Variants in DPYD observed in about 807,000 individuals in gnomAD.
DPYD encodes the protein dihydropyrimidine dehydrogenase, also known as dihydropyrimidine dehydrogenase [NADP(+)].
In DPYD, 109 loss-of-function variants were observed where a neutral mutation model predicts 116.2. That is an observed-to-expected ratio of 0.94 (90% CI 0.80 to 1.10). The LOEUF is 1.10. Ranked by LOEUF, DPYD falls within the 50% of genes least tolerant of loss-of-function variation. The pLI is 0.00. For missense variants in DPYD, 1,302 were observed against 1,254.5 expected, an observed-to-expected ratio of 1.04 and a Z score of -0.57; for synonymous variants, 440 against 432.0, an observed-to-expected ratio of 1.02 and a Z score of -0.23.
chr1:97,714,460 C>T (rs1216446701), intron 5 of DPYD, among the ~76,000 whole-genome samples: 1 of 151,864 alleles, frequency 6.6e-6, no homozygotes, highest in Non-Finnish European at 1.5e-5. Flanking sequence ...CCGCCTGCCT[C>T]GGCCTCCCAA....
chr1:97,268,175 G>A (rs935030591), intron 18 of DPYD, among the ~76,000 whole-genome samples: 2 of 152,136 alleles, frequency 1.3e-5, no homozygotes, highest in Non-Finnish European at 2.9e-5. Context: ...GGACACACTG[G>A]GGCAGGGGTT....
chr1:97,751,518 C>T (rs1664922473), intron 3 of DPYD, among the ~76,000 whole-genome samples: 1 of 118,512 alleles, frequency 8.4e-6, no homozygotes, highest in South Asian at 2.9e-4. Context: ...TGGCTCACGC[C>T]TGTAACCTCA....
chr1:97,193,270 A>AC (rs1379074467), intron 19 of DPYD, 22 bp from the exon 20 acceptor site: 3 of 1,609,794 alleles, frequency 1.9e-6, no homozygotes, highest in African/African-American at 2.7e-5. Context: ...AGAGCAGTCA[A>AC]CCAAGTGTCA....
chr1:97,480,724 T>C (rs1418450048), intron 13 of DPYD, among the ~76,000 whole-genome samples: 1 of 152,236 alleles, frequency 6.6e-6, no homozygotes, highest in Non-Finnish European at 1.5e-5. Context: ...CTCACGCCTG[T>C]AATCCCAGCA....
chr1:97,702,727 A>G (rs1200467018), intron 5 of DPYD, among the ~76,000 whole-genome samples: 1 of 151,992 alleles, frequency 6.6e-6, no homozygotes, highest in Non-Finnish European at 1.5e-5. Flanking sequence ...ATATCTGAAC[A>G]AATTCTAGCT....
At chr1:97,511,789 T>G (rs1232295128) in intron 13 of DPYD, among the ~76,000 whole-genome samples, 1 of 151,912 alleles carries the variant, frequency 6.6e-6, no homozygotes, top group Non-Finnish European at 1.5e-5. Context: ...AGTTAGAAGT[T>G]AGGCCAGCCG....
intron 8 of DPYD, among the ~76,000 whole-genome samples, chr1:97,607,549 G>A (rs961525589): frequency 2.0e-5 from 3 of 151,850 alleles, no homozygotes; most frequent in Admixed American, 6.6e-5. Flanking sequence ...AGATGCTAAT[G>A]AGCATTAATC....
At chr1:97,208,702 G>A (rs763602166) in intron 19 of DPYD, among the ~76,000 whole-genome samples, 5 of 151,974 alleles carry the variant, frequency 3.3e-5, no homozygotes, top group Admixed American at 2.0e-4. Context: ...CTAATCTTCC[G>A]GTTTCTTTTC....
intron 18 of DPYD, among the ~76,000 whole-genome samples, chr1:97,272,462 TA>T (rs1424410815): frequency 4.6e-5 from 7 of 152,190 alleles, no homozygotes; most frequent in Admixed American, 3.9e-4. Flanking sequence ...GAGATCATTA[TA>T]ACTAGTTTTG....
At chr1:97,192,979 T>C in intron 20 of DPYD, 90 bp downstream of exon 20, 1 of 1,449,448 alleles carries the variant, frequency 6.9e-7, no homozygotes, top group Admixed American at 1.7e-5. Context: ...GTGTTTCCTT[T>C]GTTAGTGAGA....
At chr1:97,394,679 T>G (rs955495877) in intron 14 of DPYD, among the ~76,000 whole-genome samples, 4 of 151,988 alleles carry the variant, frequency 2.6e-5, no homozygotes, top group Admixed American at 6.6e-5. Flanking sequence ...ATAGACTTGT[T>G]AGAAGCAGGA....
chr1:97,893,603 T>C (rs1672893050), intron 1 of DPYD, among the ~76,000 whole-genome samples: 1 of 151,144 alleles, frequency 6.6e-6, no homozygotes, highest in Admixed American at 6.6e-5. Flanking sequence ...TTGTAAAACA[T>C]CAAAAAATGT....
chr1:97,220,030 C>T (rs967414595), intron 19 of DPYD, among the ~76,000 whole-genome samples: 3 of 152,062 alleles, frequency 2.0e-5, no homozygotes, highest in Admixed American at 6.6e-5. Context: ...ACTCTTCTCT[C>T]GGGGTCTCTG....
At chr1:97,601,087 T>G (rs1349095306) in intron 8 of DPYD, among the ~76,000 whole-genome samples, 1 of 152,124 alleles carries the variant, frequency 6.6e-6, no homozygotes, top group African/African-American at 2.4e-5. Flanking sequence ...AGCATTGACC[T>G]AGGGTCTAAA....
intron 8 of DPYD, among the ~76,000 whole-genome samples, chr1:97,631,328 T>G (rs534041622): frequency 4.1e-4 from 62 of 152,106 alleles, no homozygotes; most frequent in Admixed American, 1.2e-3. Flanking sequence ...AAGCATAGTT[T>G]ATTTTCTCTT....
chr1:97,339,523 T>C (rs955938543), intron 16 of DPYD, among the ~76,000 whole-genome samples: 3 of 152,162 alleles, frequency 2.0e-5, no homozygotes, highest in African/African-American at 4.8e-5. Context: ...AGCCAATCAA[T>C]ATAATAATCA....
intron 5 of DPYD, among the ~76,000 whole-genome samples, chr1:97,710,684 T>C (rs1166104346): frequency 1.3e-5 from 2 of 151,730 alleles, no homozygotes; most frequent in African/African-American, 4.8e-5. Context: ...TTGGTAGGTA[T>C]TGTTTAGGTA....
In DPYD at chr1:97,305,247, G is replaced by T. The variant is rs1667086790; in HGVS notation, c.2299+12C>A. ...CCAAGAAAGCACAATGCAAGAAGTG[G>T]GCAACACCTACCAGACACTCCTCCA... On this transcript the variant is annotated intron_variant, in intron 18 of 22. Transcript: ENST00000370192. 1 of 1,611,802 alleles carries T rather than the reference G, an allele frequency of 6.2e-7. No homozygotes were observed. The highest frequency in any genetic ancestry group is 1.3e-5 in the African/African-American group (1 of 74,810).
intron 7 of DPYD, among the ~76,000 whole-genome samples, chr1:97,680,235 C>T (rs544205536): frequency 2.6e-5 from 4 of 152,090 alleles, no homozygotes; most frequent in Non-Finnish European, 4.4e-5. Flanking sequence ...GGGAAGGCCA[C>T]ATGAAAATAT....
Sources: allele counts gnomAD v4.1 joint callset (sites outside exome capture counted in the v4.1 genomes callset), GRCh38; gene constraint gnomAD v4.1.1; transcripts MANE v1.5; gene names NCBI Gene and HGNC (gene_info 2026-07-23, HGNC 2026-07-21).